Variants in DPP10 observed in about 807,000 individuals in gnomAD.
DPP10 encodes inactive dipeptidyl peptidase 10.
Under a neutral mutation model 120.9 loss-of-function variants are expected in DPP10, and 33 were observed. The observed-to-expected ratio is 0.27, with a 90% CI of 0.21 to 0.37. DPP10 has a LOEUF of 0.37. Ranked by LOEUF, DPP10 falls within the 10% of genes least tolerant of loss-of-function variation. The pLI is 1.00. For missense variants in DPP10, 816 were observed against 942.8 expected (o/e 0.87, Z 1.76); for synonymous variants, 337 against 326.1 (o/e 1.03, Z -0.36).
intron 3 of DPP10, among the ~76,000 whole-genome samples, chr2:115,472,517 G>A (rs2074797217): frequency 6.6e-6 from 1 of 152,098 alleles, no homozygotes; most frequent in Non-Finnish European, 1.5e-5. Context: ...CATATCCAGT[G>A]TACATTTTAA....
At chr2:115,383,924 C>T (rs2066642253) in intron 3 of DPP10, among the ~76,000 whole-genome samples, 1 of 152,000 alleles carries the variant, frequency 6.6e-6, no homozygotes, top group Admixed American at 6.6e-5. Context: ...AAACTTAATC[C>T]AAAGAAACCA....
chr2:114,854,764 A>C (rs980642747), intron 1 of DPP10, among the ~76,000 whole-genome samples: 1 of 152,224 alleles, frequency 6.6e-6, no homozygotes, highest in Non-Finnish European at 1.5e-5. Context: ...ATGGGGCATC[A>C]GTGGCACTTT....
chr2:114,886,273 T>C (rs1692060933), intron 1 of DPP10, among the ~76,000 whole-genome samples: 1 of 152,166 alleles, frequency 6.6e-6, no homozygotes, highest in Non-Finnish European at 1.5e-5. Flanking sequence ...TACCTTCAAT[T>C]TTAACTCTTA....
chr2:114,539,251 AAC>A (rs1686765833), intron 1 of DPP10, among the ~76,000 whole-genome samples: 3 of 149,682 alleles, frequency 2.0e-5, no homozygotes, highest in Admixed American at 6.7e-5. Flanking sequence ...ATATATTATA[AAC>A]ACATAATTAC....
intron 1 of DPP10, among the ~76,000 whole-genome samples, chr2:114,949,851 A>G (rs1448798525): frequency 6.6e-6 from 1 of 152,186 alleles, no homozygotes; most frequent in Non-Finnish European, 1.5e-5. Context: ...TCTTTCTGCC[A>G]TGCTGGCATT....
intron 1 of DPP10, among the ~76,000 whole-genome samples, chr2:115,057,245 T>A (rs901474623): frequency 6.6e-6 from 1 of 152,126 alleles, no homozygotes; most frequent in African/African-American, 2.4e-5. Flanking sequence ...CCTTACCCAC[T>A]CTGTGTGCCA....
chr2:114,509,449 T>C (rs1201699639), intron 1 of DPP10, among the ~76,000 whole-genome samples: 2 of 152,180 alleles, frequency 1.3e-5, no homozygotes, highest in Non-Finnish European at 2.9e-5. Context: ...AGTCGAGAAA[T>C]TAAATAATTT....
intron 1 of DPP10, among the ~76,000 whole-genome samples, chr2:115,018,696 C>T (rs967398560): frequency 6.6e-6 from 1 of 152,040 alleles, no homozygotes; most frequent in Non-Finnish European, 1.5e-5. Context: ...GAACATCACA[C>T]ACTAGAGCCT....
chr2:114,945,206 T>A (rs1697256170), intron 1 of DPP10, among the ~76,000 whole-genome samples: 1 of 152,196 alleles, frequency 6.6e-6, no homozygotes, highest in Non-Finnish European at 1.5e-5. Context: ...GATACAATAC[T>A]AAAAGCATAA....
intron 1 of DPP10, among the ~76,000 whole-genome samples, chr2:115,028,374 AC>A (rs1703617103): frequency 6.6e-6 from 1 of 151,806 alleles, no homozygotes; most frequent in South Asian, 2.1e-4. Flanking sequence ...CATACTGTTG[AC>A]TTTTTATGTG....
rs530364538 is a variant in DPP10, at chr2:115,479,068, A to T, written c.272-20442A>T. On this transcript the variant is annotated intron_variant, in intron 3 of 25. Transcript: ENST00000410059. ...ATTCTTCTGGATAAATACCCAAATG[A>T]ATTGAATGCACGGTCTTAAAGAGAT... Among the ~76,000 whole-genome samples the T allele has an allele frequency of 8.5e-5, 13 of 152,320 alleles. No homozygotes were observed. The East Asian group carries it at 2.1e-3, about 25-fold the overall frequency.
intron 1 of DPP10, among the ~76,000 whole-genome samples, chr2:114,464,210 C>T (rs1679164292): frequency 6.6e-6 from 1 of 152,134 alleles, no homozygotes; most frequent in South Asian, 2.1e-4. Flanking sequence ...AGTGGCTATA[C>T]CATTTTGCAT....
At chr2:115,385,811 G>A (rs1276708273) in intron 3 of DPP10, among the ~76,000 whole-genome samples, 2 of 152,106 alleles carry the variant, frequency 1.3e-5, no homozygotes, top group Non-Finnish European at 1.5e-5. Context: ...TTCCTAATCT[G>A]TCTTTTGCTA....
At chr2:115,466,279 G>A (rs1290551553) in intron 3 of DPP10, among the ~76,000 whole-genome samples, 3 of 152,124 alleles carry the variant, frequency 2.0e-5, no homozygotes, top group Non-Finnish European at 1.5e-5. Flanking sequence ...ATAGTGTGGT[G>A]TTCTTTAACT....
intron 1 of DPP10, among the ~76,000 whole-genome samples, chr2:114,885,177 A>G (rs747416145): frequency 6.6e-6 from 1 of 152,190 alleles, no homozygotes; most frequent in Non-Finnish European, 1.5e-5. Context: ...GCTGGCATCT[A>G]TTAGGCTTCT....
Position 115,276,883 on chromosome 2 carries a change from A to G in DPP10, c.61-32356A>G, listed in dbSNP as rs1332300428. 2.6e-5 allele frequency among the ~76,000 whole-genome samples: 4 copies of G among 152,192 alleles called. No individual in the cohort carries two copies. In the East Asian group the frequency reaches 7.7e-4, roughly 29 times the overall value. ...AATTTTCATAAAGCTTTTGGCTAAG[A>G]ACTCCTGCTATTGACCTATGCCCCT... On this transcript the variant is annotated intron_variant, in intron 1 of 25. Coordinates refer to ENST00000410059, the MANE Select transcript of DPP10 (RefSeq NM_020868.6).
chr2:114,498,746 G>C (rs957553974), intron 1 of DPP10, among the ~76,000 whole-genome samples: 2 of 152,126 alleles, frequency 1.3e-5, no homozygotes, highest in African/African-American at 4.8e-5. Flanking sequence ...GAGCCCTAGT[G>C]ACCCAATCAT....
intron 1 of DPP10, among the ~76,000 whole-genome samples, chr2:114,471,403 TAGAC>T (rs1679901105): frequency 6.6e-6 from 1 of 152,174 alleles, no homozygotes; most frequent in Non-Finnish European, 1.5e-5. Context: ...GCTGTGCTGT[TAGAC>T]AGATTCCTAG....
chr2:114,538,835 C>T (rs572307929), intron 1 of DPP10, among the ~76,000 whole-genome samples: 1 of 152,316 alleles, frequency 6.6e-6, no homozygotes, highest in East Asian at 1.9e-4. Flanking sequence ...CCCGAGAGCA[C>T]ACATCTCTGG....
Sources: gnomAD v4.1 joint callset for allele counts (sites outside exome capture counted in the v4.1 genomes callset) on GRCh38, gnomAD v4.1.1 for gene constraint, MANE v1.5 for transcripts, NCBI Gene and HGNC (gene_info 2026-07-23, HGNC 2026-07-21) for gene names.